SOX6: variants seen among roughly 807,000 people sequenced by gnomAD.
SOX6 encodes SRY-box transcription factor 6.
SOX6 carries 11 observed loss-of-function variants against 97.8 expected under a neutral mutation model. The ratio of observed to expected loss-of-function variants is 0.11; its 90% CI spans 0.07 to 0.19. The LOEUF is 0.19. Ranked by LOEUF, SOX6 falls within the 10% of genes least tolerant of loss-of-function variation. The probability of loss-of-function intolerance (pLI) is 1.00; values close to 1 mark genes in which losing one functional copy is unlikely to be tolerated. For synonymous variants in SOX6, 360 were observed against 371.4 expected (o/e 0.97, Z 0.35); for missense variants, 810 against 1,039.5 (o/e 0.78, Z 3.04).
At chr11:16,682,182 T>C (rs1365281232) in intron 3 of SOX6, among the ~76,000 whole-genome samples, 14 of 152,116 alleles carry the variant, frequency 9.2e-5, no homozygotes, top group Non-Finnish European at 1.3e-4. Flanking sequence ...TAGGCCAATA[T>C]CCCTGATGAA....
chr11:16,316,489 T>C (rs1189030194), intron 3 of SOX6: 1 of 151,934 alleles, frequency 6.6e-6, no homozygotes, highest in African/African-American at 2.4e-5. Context: ...CTAGTAGAAA[T>C]ACAGTAATAA....
chr11:16,683,508 G>A (rs1847944767), intron 3 of SOX6, among the ~76,000 whole-genome samples: 1 of 152,172 alleles, frequency 6.6e-6, no homozygotes, highest in Non-Finnish European at 1.5e-5. Context: ...TTAATAAATG[G>A]TGCTGGGAAA....
chr11:16,473,350 T>G (rs1411220795), intron 1 of SOX6, among the ~76,000 whole-genome samples: 1 of 152,186 alleles, frequency 6.6e-6, no homozygotes, highest in Admixed American at 6.5e-5. Context: ...CTCTGGTAAG[T>G]GTACAATGGC....
intron 6 of SOX6, among the ~76,000 whole-genome samples, chr11:16,138,125 T>A (rs1850023066): frequency 6.6e-6 from 1 of 152,180 alleles, no homozygotes; most frequent in South Asian, 2.1e-4. Context: ...TTTTTAAAAT[T>A]TGGGGCTTTG....
chr11:16,522,024 A>G (rs903738770), intron 4 of SOX6, among the ~76,000 whole-genome samples: 3 of 152,194 alleles, frequency 2.0e-5, no homozygotes, highest in South Asian at 2.1e-4. Flanking sequence ...TGAAAGTGAC[A>G]GGAAGAATGG....
chr11:16,542,563 C>A (rs553829730), intron 4 of SOX6, among the ~76,000 whole-genome samples: 50 of 152,080 alleles, frequency 3.3e-4, no homozygotes, highest in Non-Finnish European at 5.3e-4. Flanking sequence ...GTCACACACA[C>A]AAAAAAATTC....
intron 3 of SOX6, among the ~76,000 whole-genome samples, chr11:16,670,873 ACT>A: frequency 9.4e-6 from 1 of 105,914 alleles, no homozygotes; most frequent in East Asian, 4.2e-4. Flanking sequence ...TACAGCCATC[ACT>A]CAATGGGAAG....
At chr11:16,591,755 G>C (rs1335155372) in intron 4 of SOX6, among the ~76,000 whole-genome samples, 1 of 152,104 alleles carries the variant, frequency 6.6e-6, no homozygotes, top group Non-Finnish European at 1.5e-5. Flanking sequence ...CATCAGGGAA[G>C]ACAGAGGCTA....
rs532832516 is a variant in SOX6, at chr11:16,552,625, A to C, written n.609+59456T>G. ...AAGATATTGCTACCCATGACACTTA[A>C]TAAAGGAATATGTACTTTAAATTGC... On this transcript the variant is annotated intron_variant and non_coding_transcript_variant, in intron 4 of 5. Transcript: ENST00000524520. Among the ~76,000 whole-genome samples, 10 of 152,302 alleles carry C rather than the reference A, an allele frequency of 6.6e-5. No individual in the cohort carries two copies. The South Asian group carries it at 2.1e-3, about 32-fold the overall frequency.
intron 4 of SOX6, among the ~76,000 whole-genome samples, chr11:16,196,327 T>C (rs1266005984): frequency 6.6e-6 from 1 of 152,224 alleles, no homozygotes; most frequent in Non-Finnish European, 1.5e-5. Flanking sequence ...CAACAGATTC[T>C]GTCCTCTTAA....
chr11:15,999,603 T>C (rs962280085), intron 13 of SOX6, among the ~76,000 whole-genome samples: 3 of 152,146 alleles, frequency 2.0e-5, no homozygotes, highest in African/African-American at 7.2e-5. Context: ...ATGCTCTTTT[T>C]TTTGAAAGGT....
At chr11:16,692,628 C>A (rs1252218449) in intron 3 of SOX6, among the ~76,000 whole-genome samples, 1 of 152,140 alleles carries the variant, frequency 6.6e-6, no homozygotes, top group Non-Finnish European at 1.5e-5. Context: ...AAAATCACTC[C>A]AAGCAGTTTA....
In SOX6 at chr11:16,078,626, G is replaced by A. The variant is rs189769012; in HGVS notation, c.1101+17370C>T. 3.5e-4 allele frequency among the ~76,000 whole-genome samples: 53 copies of A among 152,188 alleles called. No individual in the cohort carries two copies. The East Asian group carries it at 9.1e-3, about 26-fold the overall frequency. ...AGACGTGGGCAGTGACTTTGTGGGA[G>A]GAGGAAGGGAGAACAAGACAGATAA... On this transcript the variant is annotated intron_variant, in intron 9 of 15. Coordinates refer to ENST00000683767, the MANE Select transcript of SOX6 (RefSeq NM_001367873.1).
At chr11:16,538,076 G>T (rs916175661) in intron 4 of SOX6, among the ~76,000 whole-genome samples, 1 of 152,164 alleles carries the variant, frequency 6.6e-6, no homozygotes, top group Non-Finnish European at 1.5e-5. Flanking sequence ...CAGCCAGAGA[G>T]AAAGGTCGGG....
chr11:16,473,554 T>C (rs1860180620), intron 1 of SOX6, among the ~76,000 whole-genome samples: 1 of 54,738 alleles, frequency 1.8e-5, no homozygotes, highest in Non-Finnish European at 3.8e-5. Flanking sequence ...GACAATTCCT[T>C]TTTTTTTTTT....
intron 12 of SOX6, among the ~76,000 whole-genome samples, chr11:16,034,292 C>A (rs973889653): frequency 6.6e-6 from 1 of 152,224 alleles, no homozygotes; most frequent in East Asian, 1.9e-4. Flanking sequence ...TTACAAGACA[C>A]CCTTTGTGTT....
rs866520194 is a variant in SOX6, at chr11:16,426,845, C to A, written c.-5+49470G>T. Among the ~76,000 whole-genome samples the A allele has an allele frequency of 4.8e-5, 6 of 124,540 alleles. No individual in the cohort carries two copies. In the East Asian group the frequency reaches 1.6e-3, roughly 33 times the overall value. The allele number at this position is 124,540 out of a possible 152,430, so 81.7% of individuals were successfully genotyped here. A position where few individuals can be genotyped will look rare whatever the true frequency, so the allele number is the denominator to read the frequency against. On this transcript the variant is annotated intron_variant, in intron 1 of 15. Transcript: ENST00000396356. The stretch of plus-strand genomic sequence containing the variant: ...AGGAGAATGGCGTGAACCCGGGAGG[C>A]GGAGCTTGCAGTGAGCCGAGATCCC...
intron 1 of SOX6, among the ~76,000 whole-genome samples, chr11:16,391,611 A>T (rs554556093): frequency 3.0e-4 from 46 of 151,954 alleles, no homozygotes; most frequent in Non-Finnish European, 5.3e-4. Flanking sequence ...TGAAAGAGGC[A>T]CTAAGTCAGT....
intron 1 of SOX6, among the ~76,000 whole-genome samples, chr11:16,448,618 C>A (rs563601349): frequency 3.0e-4 from 45 of 152,158 alleles, no homozygotes; most frequent in Non-Finnish European, 5.4e-4. Flanking sequence ...TGTAATTAAA[C>A]AGTAATTACT....
Sources: allele counts gnomAD v4.1 joint callset (sites outside exome capture counted in the v4.1 genomes callset), GRCh38; gene constraint gnomAD v4.1.1; transcripts MANE v1.5; gene names NCBI Gene and HGNC (gene_info 2026-07-23, HGNC 2026-07-21).